PI4KB: variants seen among roughly 807,000 people sequenced by gnomAD.
PI4KB encodes phosphatidylinositol 4-kinase beta, also known as PtdIns 4-kinase beta.
A neutral mutation model predicts 81.4 loss-of-function variants in PI4KB; 23 were observed. That is an observed-to-expected ratio of 0.28 (90% CI 0.20 to 0.40). PI4KB has a LOEUF of 0.40. Among genes scored for constraint, PI4KB ranks in the 10% least tolerant of loss-of-function variants. The pLI, the probability that PI4KB is intolerant of heterozygous loss-of-function variation, is 1.00. For missense variants in PI4KB, 651 were observed against 1,036.6 expected (o/e 0.63, Z 5.11); for synonymous variants, 381 against 406.8 (o/e 0.94, Z 0.76).
At chr1:151,322,547 A>T (rs72994076) in intron 1 of PI4KB, among the ~76,000 whole-genome samples, 73 of 152,052 alleles carry the variant, frequency 4.8e-4, no homozygotes, top group African/African-American at 1.7e-3. Context: ...CTTTTTCAAA[A>T]TTTTTTCCAT....
In PI4KB at chr1:151,315,933, G is replaced by A. The variant is rs1355410143; in HGVS notation, c.549C>T (p.Tyr183=). The change falls in exon 2 of 12, where the codon TAC becomes TAT. Residue 183 remains tyrosine (Y), a synonymous_variant. Coordinates refer to ENST00000368873, the MANE Select transcript of PI4KB (RefSeq NM_001369623.2). ...DFYLPQLLNM[Y]IHMDEDVGDA... is the part of the protein sequence containing the mutation. ...CACCCACGTCCTCATCCATGTGGATGTACATGTTAAGCAACTGGGGCAGAT... is the reference window on the plus strand; with the variant it reads ...CACCCACGTCCTCATCCATGTGGATATACATGTTAAGCAACTGGGGCAGAT... The A allele has an allele frequency of 6.2e-7, 1 of 1,613,394 alleles. No homozygotes were observed. The highest frequency in any genetic ancestry group is 8.5e-7 in the Non-Finnish European group (1 of 1,179,584).
intron 1 of PI4KB, among the ~76,000 whole-genome samples, chr1:151,320,151 A>G (rs577387606): frequency 6.0e-4 from 92 of 152,282 alleles, no homozygotes; most frequent in African/African-American, 2.1e-3. Context: ...CTCCTGCCTC[A>G]GGCTCACAAG....
chr1:151,299,975 T>C (rs10888410), intron 8 of PI4KB, among the ~76,000 whole-genome samples: 83,364 of 151,968 alleles, frequency 0.55, 24,300 homozygotes, highest in Non-Finnish European at 0.65. Flanking sequence ...GGCATTAAGT[T>C]TGAATAATGG....
intron 8 of PI4KB, 66 bp downstream of exon 8, chr1:151,301,778 C>T (rs587629805): frequency 2.2e-4 from 323 of 1,494,904 alleles, no homozygotes; most frequent in Middle Eastern, 8.8e-4. Context: ...GTAATCCACC[C>T]GCCTCGGCCT....
intron 6 of PI4KB, among the ~76,000 whole-genome samples, chr1:151,302,581 T>TC (rs1270307349): frequency 1.4e-5 from 2 of 146,362 alleles, no homozygotes; most frequent in Non-Finnish European, 3.0e-5. Context: ...TCTTTTCTTT[T>TC]TTTTTTTTTT....
intron 2 of PI4KB, among the ~76,000 whole-genome samples, chr1:151,313,509 G>C (rs1479986433): frequency 1.3e-5 from 2 of 152,156 alleles, no homozygotes; most frequent in Non-Finnish European, 2.9e-5. Context: ...TGGATAAAGA[G>C]AAAAGCCAAG....
At chr1:151,320,456 C>CT (rs761562995) in intron 1 of PI4KB, among the ~76,000 whole-genome samples, 1 of 152,164 alleles carries the variant, frequency 6.6e-6, no homozygotes, top group Non-Finnish European at 1.5e-5. Flanking sequence ...CCAAAAAAGG[C>CT]TATTTCTGTT....
Position 151,315,822 on chromosome 1 carries a change from A to C in PI4KB, c.660T>G (p.Ser220=). The C allele has an allele frequency of 6.2e-7, 1 of 1,613,436 alleles. No individual in the cohort carries two copies. Among genetic ancestry groups the C allele is most frequent in the South Asian group, 1.1e-5 (1 of 90,992 alleles). The change falls in exon 2 of 12, where the codon TCT becomes TCG. Residue 220 remains serine, a synonymous_variant. Transcript: ENST00000368873. ...GTTGAGTGGAAATGTGCATGTCTGA[A>C]GAATAGGCCCCAAGCAACAGGGCAC... ...LQCALLLGAY[S]SDMHISTQRH...
intron 2 of PI4KB, among the ~76,000 whole-genome samples, chr1:151,312,504 C>G (rs993169482): frequency 6.6e-6 from 1 of 152,180 alleles, no homozygotes; most frequent in Non-Finnish European, 1.5e-5. Context: ...TCCATAGATA[C>G]TGGGGTTTTC....
chr1:151,314,067 C>T lies in PI4KB; in HGVS notation c.909+1506G>A, dbSNP rs372960802. Reference sequence around the variant, plus strand: ...GCTGAATAAATGTTAGCACTTTTAGCTTTACCATTATTAAACTATCCTAAC... The same window carrying T: ...GCTGAATAAATGTTAGCACTTTTAGTTTTACCATTATTAAACTATCCTAAC... On this transcript the variant is annotated intron_variant, in intron 2 of 11. Coordinates refer to ENST00000368873, the MANE Select transcript of PI4KB (RefSeq NM_001369623.2). Among the ~76,000 whole-genome samples the T allele has an allele frequency of 1.1e-4, 16 of 152,366 alleles. 1 individual carries two copies. The highest frequency in any genetic ancestry group is 2.9e-4 in the African/African-American group (12 of 41,598).
Position 151,306,222 on chromosome 1 carries a change from G to A in PI4KB, c.1324C>T (p.Arg442Ter). ...LPECGITHEQ[R>*]AGSFSTVPNY... Reference sequence around the variant, plus strand: ...GGCACAGTGCTGAAGCTGCCAGCTCGCTGCTCATGGGTAATACCACATTCG... The same window carrying A: ...GGCACAGTGCTGAAGCTGCCAGCTCACTGCTCATGGGTAATACCACATTCG... The change falls in exon 5 of 12, where the codon CGA becomes TGA. Residue 442 changes from arginine to a stop codon, truncating the protein, a stop_gained. Coordinates refer to ENST00000368873, the MANE Select transcript of PI4KB (RefSeq NM_001369623.2). LOFTEE classifies it high-confidence loss of function. The A allele has an allele frequency of 6.2e-7, 1 of 1,614,066 alleles. No individual in the cohort carries two copies. Among genetic ancestry groups the A allele is most frequent in the Non-Finnish European group, 8.5e-7 (1 of 1,180,008 alleles).
chr1:151,322,486 G>C (rs773509161), intron 1 of PI4KB, among the ~76,000 whole-genome samples: 21 of 152,150 alleles, frequency 1.4e-4, no homozygotes, highest in Non-Finnish European at 2.9e-4. Context: ...TGCTAGGACA[G>C]AATGGTAAAG....
Position 151,315,834 on chromosome 1 carries a change from A to G in PI4KB, c.648T>C (p.Leu216=), listed in dbSNP as rs1307698598. The change falls in exon 2 of 12, where the codon CTT becomes CTC. Residue 216 remains leucine (L), a synonymous_variant. Transcript: ENST00000368873. ...INFSLQCALL[L]GAYSSDMHIS... ...TGTGCATGTCTGAAGAATAGGCCCC[A>G]AGCAACAGGGCACACTGGAGGGAAA... 1 of 1,613,714 alleles carries G rather than the reference A, an allele frequency of 6.2e-7. No homozygotes were observed. The highest frequency in any genetic ancestry group is 2.2e-5 in the East Asian group (1 of 44,878).
At chr1:151,310,276 AAAGGGAGAAGGAGGGGGTGGG>A in intron 2 of PI4KB, 21 bp from the exon 3 acceptor site, 1 of 1,547,672 alleles carries the variant, frequency 6.5e-7, no homozygotes, top group Non-Finnish European at 8.9e-7. Flanking sequence ...GCCAGAGGGC[AAAGGGAGAAGGAGGGGGTGGG>A]AAGGGAGGGG....
At chr1:151,293,925 G>GAGTCTC in intron 11 of PI4KB, 93 bp downstream of exon 11, 1 of 1,416,164 alleles carries the variant, frequency 7.1e-7, no homozygotes. Context: ...TCCCTCAACC[G>GAGTCTC]AGTCTCGTGG....
intron 1 of PI4KB, among the ~76,000 whole-genome samples, chr1:151,323,259 C>T (rs1480582990): frequency 1.3e-5 from 2 of 152,208 alleles, no homozygotes; most frequent in Non-Finnish European, 2.9e-5. Flanking sequence ...AATCCCAGCA[C>T]TCTGGGAGGC....
intron 1 of PI4KB, 133 bp from the exon 2 acceptor site, chr1:151,316,642 C>T: frequency 1.8e-6 from 1 of 563,314 alleles, no homozygotes; most frequent in Non-Finnish European, 3.0e-6. Context: ...TCCTGGACTC[C>T]TTCAAAATCA....
chr1:151,297,713 T>C (rs1344153307), intron 9 of PI4KB, among the ~76,000 whole-genome samples: 2 of 151,990 alleles, frequency 1.3e-5, no homozygotes, highest in East Asian at 3.9e-4. Context: ...TTTCTTTTTG[T>C]ATTTTAGTAG....
rs117518417 is a variant in PI4KB, at chr1:151,297,944, G to A, written c.2015+864C>T. On this transcript the variant is annotated intron_variant, in intron 9 of 11. Transcript: ENST00000368873. ...ACAGCTGCCCTGTGCCGAGGGTCTA[G>A]AGCTGGAACTCATAGGAGCATTCAG... Among the ~76,000 whole-genome samples, 125 of 152,322 alleles carry A rather than the reference G, an allele frequency of 8.2e-4. 2 individuals are homozygous for A. In the East Asian group the frequency reaches 0.023, roughly 28 times the overall value.
Sources: gnomAD v4.1 joint callset for allele counts (sites outside exome capture counted in the v4.1 genomes callset) on GRCh38, gnomAD v4.1.1 for gene constraint, MANE v1.5 for transcripts, NCBI Gene and HGNC (gene_info 2026-07-23, HGNC 2026-07-21) for gene names.